Variants in TUBA4A observed in about 807,000 individuals in gnomAD.
TUBA4A encodes tubulin alpha-4A chain.
Under a neutral mutation model 34.3 loss-of-function variants are expected in TUBA4A, and 23 were observed. The ratio of observed to expected loss-of-function variants is 0.67; its 90% CI spans 0.48 to 0.95. The LOEUF (loss-of-function observed/expected upper bound fraction) is 0.95, where lower values mean the gene tolerates loss of function less well. Ranked by LOEUF, TUBA4A falls within the 40% of genes least tolerant of loss-of-function variation. The pLI is 0.00. For missense variants in TUBA4A, 279 were observed against 599.0 expected, an observed-to-expected ratio of 0.47 and a Z score of 5.58; for synonymous variants, 216 against 230.5, an observed-to-expected ratio of 0.94 and a Z score of 0.57.
At chr2:219,253,710 G>T in intron 1 of TUBA4A, 146 bp downstream of exon 1, 1 of 1,005,686 alleles carries the variant, frequency 9.9e-7, no homozygotes, top group Non-Finnish European at 1.5e-6. Context: ...ACCAGGAGGG[G>T]GTTGGGGAGG....
rs1476623556 is a variant in TUBA4A at position 219,250,696 on chromosome 2, TGGC to T, written c.1000_1002del (p.Ala334del). Reference sequence around the variant, plus strand: ...AACTGAATGCTGCGCTTGGTCTTGATGGCGGCAATGGCAGCGTTGACATCCTTG... The same window carrying T: ...AACTGAATGCTGCGCTTGGTCTTGATGGCAATGGCAGCGTTGACATCCTTG... On this transcript the variant is annotated inframe_deletion, in exon 4 of 4. Coordinates refer to ENST00000248437, the MANE Select transcript of TUBA4A (RefSeq NM_006000.3). This position sits in a 1 kb window ranked among gnomAD's most constrained non-coding sequence, Gnocchi z 8.4. 4 of 1,614,114 alleles carry T rather than the reference TGGC, an allele frequency of 2.5e-6. No homozygotes were observed. In the African/African-American group the frequency reaches 5.3e-5, roughly 22 times the overall value.
intron 1 of TUBA4A, among the ~76,000 whole-genome samples, 167 bp downstream of exon 1, chr2:219,253,689 C>T (rs538847874): frequency 6.6e-6 from 1 of 152,338 alleles, no homozygotes; most frequent in Admixed American, 6.5e-5. Context: ...CTATACGGCT[C>T]GGCCAAAGTC....
chr2:219,253,182 C>T, intron 1 of TUBA4A: 1 of 1,510,936 alleles, frequency 6.6e-7, no homozygotes, highest in Non-Finnish European at 8.9e-7. Context: ...CCACCCCCTA[C>T]ATGCACCTCT....
chr2:219,253,755 G>A (rs1372531919), intron 1 of TUBA4A, 101 bp downstream of exon 1: 6 of 1,417,404 alleles, frequency 4.2e-6, no homozygotes, highest in Non-Finnish European at 4.8e-6. Context: ...CTGGAGACCC[G>A]GAACGCCCGG....
chr2:219,252,371 G>C lies in TUBA4A; in HGVS notation c.4-141C>G, dbSNP rs927512532. 9 of 838,024 alleles carry C rather than the reference G, an allele frequency of 1.1e-5. No homozygotes were observed. Among genetic ancestry groups the C allele is most frequent in the Non-Finnish European group, 1.7e-5 (9 of 540,238 alleles). 51.9% of individuals were successfully genotyped at this position (838,024 alleles called of 1,614,324 possible). On this transcript the variant is annotated intron_variant, in intron 1 of 3. Coordinates refer to ENST00000248437, the MANE Select transcript of TUBA4A (RefSeq NM_006000.3). This position sits in a 1 kb window ranked among gnomAD's most constrained non-coding sequence, Gnocchi z 4.1. ...GAGGGTTGGGGCTGGGCAGAGGTGA[G>C]AAGAGAGTAGCAGCCTGCCCGGGCT...
upstream of TUBA4A, chr2:219,254,409 C>T (rs1464825296): frequency 1.3e-5 from 2 of 152,490 alleles, no homozygotes; most frequent in Non-Finnish European, 1.5e-5. Flanking sequence ...CTGCCTGACG[C>T]TTCCTGGTCC....
At position 219,251,968 on chromosome 2, in the gene TUBA4A, A is replaced by C. The variant is rs763934210; in HGVS notation, c.226+40T>G. ...TCTCTCCAGGGAGAAGCTTTGAGTC[A>C]TGCTCCACCCCCTTCAATTTTGTCC... On this transcript the variant is annotated intron_variant, in intron 2 of 3. Coordinates refer to ENST00000248437, the MANE Select transcript of TUBA4A (RefSeq NM_006000.3). The surrounding 1 kb of genome is among the most constrained non-coding windows in gnomAD (Gnocchi z 6.1). 6.3e-7 allele frequency: 1 copy of C among 1,592,932 alleles called. No individual in the cohort carries two copies. The highest frequency in any genetic ancestry group is 1.1e-5 in the South Asian group (1 of 90,374).
chr2:219,251,946 C>G lies in TUBA4A; in HGVS notation c.226+62G>C, dbSNP rs1475588207. On this transcript the variant is annotated intron_variant, in intron 2 of 3. Transcript: ENST00000248437. The surrounding 1 kb of genome is among the most constrained non-coding windows in gnomAD (Gnocchi z 6.1). ...AATGCCTGGTCTAAATACCCTCTCT[C>G]TCCAGGGAGAAGCTTTGAGTCATGC... 2 of 1,550,744 alleles carry G rather than the reference C, an allele frequency of 1.3e-6. No homozygotes were observed. Among genetic ancestry groups the G allele is most frequent in the Non-Finnish European group, 1.8e-6 (2 of 1,127,644 alleles).
In TUBA4A at chr2:219,252,360, G is replaced by T; in HGVS notation, c.4-130C>A. ...TGGCAAGAGTGGAGGGTTGGGGCTGGGCAGAGGTGAGAAGAGAGTAGCAGC... is the reference window on the plus strand; with the variant it reads ...TGGCAAGAGTGGAGGGTTGGGGCTGTGCAGAGGTGAGAAGAGAGTAGCAGC... On this transcript the variant is annotated intron_variant, in intron 1 of 3. Coordinates refer to ENST00000248437, the MANE Select transcript of TUBA4A (RefSeq NM_006000.3). This position sits in a 1 kb window ranked among gnomAD's most constrained non-coding sequence, Gnocchi z 4.1. 2 of 922,316 alleles carry T rather than the reference G, an allele frequency of 2.2e-6. No individual in the cohort carries two copies. The highest frequency in any genetic ancestry group is 1.6e-5 in the South Asian group (1 of 62,342). 57.1% of individuals were successfully genotyped at this position (922,316 alleles called of 1,614,324 possible).
Position 219,250,305 on chromosome 2 carries a change from G to A in TUBA4A, c.*47C>T, listed in dbSNP as rs376317489. The A allele has an allele frequency of 2.0e-5, 31 of 1,553,060 alleles. No homozygotes were observed. The highest frequency in any genetic ancestry group is 1.7e-4 in the Middle Eastern group (1 of 5,760). On this transcript the variant is annotated 3_prime_UTR_variant, in exon 4 of 4. Transcript: ENST00000248437. This position sits in a 1 kb window ranked among gnomAD's most constrained non-coding sequence, Gnocchi z 8.4. ...ACCGTGCAAGGAAACTGTTTATTTC[G>A]AAAGGATTTTGCAATAAACATAGTG...
chr2:219,253,045 G>C, intron 1 of TUBA4A: 1 of 959,382 alleles, frequency 1.0e-6, no homozygotes, highest in Non-Finnish European at 1.5e-6. Flanking sequence ...GACCCGCCTT[G>C]TCCCGGGCAG....
intron 1 of TUBA4A, chr2:219,253,379 G>C (rs1362164379): frequency 3.3e-6 from 5 of 1,535,156 alleles, no homozygotes; most frequent in Non-Finnish European, 4.4e-6. Context: ...TCTGTGGATA[G>C]TTGGAATGCA....
intron 1 of TUBA4A, chr2:219,253,272 G>A: frequency 6.7e-7 from 1 of 1,494,474 alleles, no homozygotes; most frequent in South Asian, 1.3e-5. Flanking sequence ...CCCGGGCTTC[G>A]GCTGGAGAGG....
At position 219,251,255 on chromosome 2, in the gene TUBA4A, G is replaced by A; in HGVS notation, c.444C>T (p.Gly148=). The change falls in exon 4 of 4, where the codon GGC becomes GGT. Residue 148 remains glycine (G), a synonymous_variant. Coordinates refer to ENST00000248437, the MANE Select transcript of TUBA4A (RefSeq NM_006000.3). This position sits in a 1 kb window ranked among gnomAD's most constrained non-coding sequence, Gnocchi z 6.1. The stretch of plus-strand genomic sequence containing the variant: ...GCCGCTCCATCAGGAGTGAGGTGAA[G>A]CCAGAGCCAGTGCCCCCACCAAAGC... ...FHSFGGGTGS[G]FTSLLMERLS... is the part of the protein sequence containing the mutation. 1 of 1,614,114 alleles carries A rather than the reference G, an allele frequency of 6.2e-7. No individual in the cohort carries two copies.
chr2:219,250,152 C>A lies in TUBA4A; in HGVS notation c.*200G>T, dbSNP rs192126963. ...GTCCCTGGGGTTATGCTTCCTGGGC[C>A]TGGCAAGAACCCCTTTGCAGGTCTC... is the stretch of plus-strand genomic sequence containing the variant. On this transcript the variant is annotated 3_prime_UTR_variant, in exon 4 of 4. Coordinates refer to ENST00000248437, the MANE Select transcript of TUBA4A (RefSeq NM_006000.3). The surrounding 1 kb of genome is among the most constrained non-coding windows in gnomAD (Gnocchi z 8.4). The A allele has an allele frequency of 4.3e-5, 33 of 773,060 alleles. No homozygotes were observed. The highest frequency in any genetic ancestry group is 2.9e-4 in the Admixed American group (12 of 40,684). The allele number at this position is 773,060 out of a possible 1,614,324, so 47.9% of individuals were successfully genotyped here.
In TUBA4A at chr2:219,253,463, G is replaced by C. The variant is rs1188884713; in HGVS notation, c.3+393C>G. 3 of 1,426,256 alleles carry C rather than the reference G, an allele frequency of 2.1e-6. No individual in the cohort carries two copies. The African/African-American group carries it at 4.2e-5, about 20-fold the overall frequency. The allele number at this position is 1,426,256 out of a possible 1,614,324, so 88.4% of individuals were successfully genotyped here. A position where few individuals can be genotyped will look rare whatever the true frequency, so the allele number is the denominator to read the frequency against. On this transcript the variant is annotated intron_variant, in intron 1 of 3. Transcript: ENST00000248437. ...CCTTCTAGCGCCAAGCACGTGCTCG[G>C]TCAGTGCTGAGGACCAGGGACTGGG...
Position 219,250,316 on chromosome 2 carries a change from G to A in TUBA4A, c.*36C>T. ...AAACTGTTTATTTCGAAAGGATTTT[G>A]CAATAAACATAGTGAATAGGCTCCA... is the stretch of plus-strand genomic sequence containing the variant. On this transcript the variant is annotated 3_prime_UTR_variant, in exon 4 of 4. Transcript: ENST00000248437. The surrounding 1 kb of genome is among the most constrained non-coding windows in gnomAD (Gnocchi z 8.4). 1.9e-6 allele frequency: 3 copies of A among 1,568,480 alleles called. No individual in the cohort carries two copies.
At position 219,251,517 on chromosome 2, in the gene TUBA4A, C is replaced by A. The variant is rs374680586; in HGVS notation, c.375+48G>T. On this transcript the variant is annotated intron_variant, in intron 3 of 3. Transcript: ENST00000248437. The surrounding 1 kb of genome is among the most constrained non-coding windows in gnomAD (Gnocchi z 6.1). ...GGATCTGAAAAAAAATATTCCTGAC[C>A]ATTAGCACAGTCTCAAAAGTTCCCT... 3 of 1,598,100 alleles carry A rather than the reference C, an allele frequency of 1.9e-6. No homozygotes were observed. Among genetic ancestry groups the A allele is most frequent in the Non-Finnish European group, 2.6e-6 (3 of 1,169,694 alleles).
At chr2:219,254,264 T>G (rs1951697284), upstream of TUBA4A, 1 of 175,060 alleles carries the variant, frequency 5.7e-6, no homozygotes, top group Non-Finnish European at 1.2e-5. Context: ...GTGTTCTGAC[T>G]TAGGTCGGGA....
Sources: allele counts gnomAD v4.1 joint callset (sites outside exome capture counted in the v4.1 genomes callset), GRCh38; gene constraint gnomAD v4.1.1; non-coding constraint Gnocchi (gnomAD v3.1); transcripts MANE v1.5; gene names NCBI Gene and HGNC (gene_info 2026-07-23, HGNC 2026-07-21).